Variants in THOC1 observed in about 807,000 individuals in gnomAD.
THOC1 encodes the protein THO complex 1.
In THOC1, 29 loss-of-function variants were observed where a neutral mutation model predicts 97.3. The observed-to-expected ratio is 0.30, with a 90% CI of 0.22 to 0.41. THOC1 has a LOEUF of 0.41. Among genes scored for constraint, THOC1 ranks in the 10% least tolerant of loss-of-function variants. The pLI, the probability that THOC1 is intolerant of heterozygous loss-of-function variation, is 1.00. For synonymous variants in THOC1, 255 were observed against 257.0 expected (o/e 0.99, Z 0.07); for missense variants, 529 against 761.9 (o/e 0.69, Z 3.60).
intron 8 of THOC1, 135 bp from the exon 9 acceptor site, chr18:252,747 C>T: frequency 1.4e-6 from 1 of 691,026 alleles, no homozygotes; most frequent in Non-Finnish European, 2.5e-6. Flanking sequence ...ACTATCTAGA[C>T]CTATAGTTAA....
chr18:263,281 G>A (rs747601494), intron 4 of THOC1, among the ~76,000 whole-genome samples: 9 of 151,060 alleles, frequency 6.0e-5, no homozygotes, highest in Non-Finnish European at 1.3e-4. Flanking sequence ...GGGTTTCATC[G>A]TGTTAGCCAG....
intron 17 of THOC1, among the ~76,000 whole-genome samples, chr18:219,823 A>G (rs1293610410): frequency 1.3e-5 from 2 of 152,224 alleles, no homozygotes; most frequent in African/African-American, 4.8e-5. Flanking sequence ...TCTTTAAACC[A>G]GAATTAAACC....
chr18:264,235 A>T, intron 3 of THOC1, 143 bp from the exon 4 acceptor site: 1 of 617,560 alleles, frequency 1.6e-6, no homozygotes, highest in Non-Finnish European at 2.8e-6. Flanking sequence ...ATATTTTCTA[A>T]TATGAAGTTA....
chr18:226,774 A>T, intron 12 of THOC1, 27 bp downstream of exon 12: 1 of 1,542,990 alleles, frequency 6.5e-7, no homozygotes, highest in Non-Finnish European at 8.9e-7. Flanking sequence ...ACTGTTTACA[A>T]ATTGTTTACT....
chr18:248,896 A>G (rs537925337), intron 9 of THOC1, among the ~76,000 whole-genome samples: 19 of 151,896 alleles, frequency 1.3e-4, no homozygotes, highest in Non-Finnish European at 2.5e-4. Flanking sequence ...GACTACAGGC[A>G]CCCGCCACCA....
chr18:247,989 A>G (rs1434844858), intron 9 of THOC1, 32 bp from the exon 10 acceptor site: 1 of 1,288,510 alleles, frequency 7.8e-7, no homozygotes, highest in African/African-American at 1.5e-5. Flanking sequence ...TAAATAAATC[A>G]TTCAAATTCT....
chr18:228,994 G>A (rs1911391208), intron 11 of THOC1, among the ~76,000 whole-genome samples: 1 of 152,018 alleles, frequency 6.6e-6, no homozygotes, highest in East Asian at 1.9e-4. Context: ...AACTACTTTT[G>A]CCTTCAATGA....
chr18:224,888 G>A, intron 15 of THOC1, 36 bp downstream of exon 15: 2 of 1,493,672 alleles, frequency 1.3e-6, no homozygotes, highest in Non-Finnish European at 1.8e-6. Context: ...TTCTTGTGAT[G>A]AGTATGTATT....
chr18:217,827 G>C (rs2143138476), intron 18 of THOC1, among the ~76,000 whole-genome samples: 1 of 152,248 alleles, frequency 6.6e-6, no homozygotes. Context: ...ACAGTAAAGT[G>C]TGAAGGTCCT....
chr18:236,674 T>A (rs1911712212), intron 11 of THOC1, among the ~76,000 whole-genome samples: 1 of 152,048 alleles, frequency 6.6e-6, no homozygotes, highest in Non-Finnish European at 1.5e-5. Context: ...AAGAATAAGA[T>A]TCTAAGATGC....
At chr18:215,560 C>T in intron 19 of THOC1, 56 bp from the exon 20 acceptor site, 1 of 1,442,152 alleles carries the variant, frequency 6.9e-7, no homozygotes, top group Non-Finnish European at 9.7e-7. Flanking sequence ...AGTAAGGTAA[C>T]AGGTATTTTG....
chr18:220,830 TTCTC>T (rs773855693), intron 17 of THOC1, among the ~76,000 whole-genome samples: 3 of 152,192 alleles, frequency 2.0e-5, no homozygotes, highest in Non-Finnish European at 2.9e-5. Flanking sequence ...TTTTGTTATC[TTCTC>T]TATTGTTTGT....
At chr18:220,697 TG>T in intron 17 of THOC1, among the ~76,000 whole-genome samples, 1 of 152,244 alleles carries the variant, frequency 6.6e-6, no homozygotes, top group Non-Finnish European at 1.5e-5. Context: ...CTTCTGAATC[TG>T]ACTATTCATT....
chr18:260,080 T>G (rs1216009847), intron 5 of THOC1, 106 bp downstream of exon 5: 14 of 681,114 alleles, frequency 2.1e-5, no homozygotes, highest in Non-Finnish European at 2.9e-5. Context: ...AGAAACTTGT[T>G]GGCATTCAGC....
At chr18:267,881 C>A (rs1481344958) in intron 1 of THOC1, 85 bp downstream of exon 1, 2 of 1,429,860 alleles carry the variant, frequency 1.4e-6, no homozygotes, top group South Asian at 1.3e-5. Flanking sequence ...TCACTTTACC[C>A]CAGGGCAAAA....
rs763166974 is a variant in THOC1 at position 265,348 on chromosome 18, T to C, written c.144A>G (p.Lys48=). Reference sequence around the variant, plus strand: ...CTCTGAAAGCTTGGTCAAGGGTACATTTTTTTTCATTTTCACTATTAAAAA... The same window carrying C: ...CTCTGAAAGCTTGGTCAAGGGTACACTTTTTTTCATTTTCACTATTAAAAA... ...SQVPGSENEK[K]CTLDQAFRGI... The change falls in exon 3 of 21, where the codon AAA becomes AAG. Residue 48 remains lysine (K), a synonymous_variant. Coordinates refer to ENST00000261600, the MANE Select transcript of THOC1 (RefSeq NM_005131.3). The C allele has an allele frequency of 1.9e-6, 3 of 1,595,014 alleles. No individual in the cohort carries two copies. The South Asian group carries it at 3.4e-5, about 18-fold the overall frequency.
chr18:221,699 C>T (rs926547411), intron 17 of THOC1, among the ~76,000 whole-genome samples: 4 of 150,018 alleles, frequency 2.7e-5, no homozygotes, highest in Non-Finnish European at 5.9e-5. Context: ...AGCTCCGCCT[C>T]CCAGGTTCAC....
At chr18:227,938 C>T (rs574503441) in intron 11 of THOC1, among the ~76,000 whole-genome samples, 181 of 144,026 alleles carry the variant, frequency 1.3e-3, no homozygotes, top group African/African-American at 4.4e-3. Context: ...CACTGTGGCT[C>T]CAGGTCTTAA....
At chr18:233,732 A>G (rs1173152511) in intron 11 of THOC1, among the ~76,000 whole-genome samples, 1 of 152,162 alleles carries the variant, frequency 6.6e-6, no homozygotes, top group Admixed American at 6.5e-5. Context: ...TACCTGCCCT[A>G]ATTACTATTG....
Sources: allele counts gnomAD v4.1 joint callset (sites outside exome capture counted in the v4.1 genomes callset), GRCh38; gene constraint gnomAD v4.1.1; transcripts MANE v1.5; gene names NCBI Gene and HGNC (gene_info 2026-07-23, HGNC 2026-07-21).